VAV3: variants seen among roughly 807,000 people sequenced by gnomAD.
VAV3 encodes vav guanine nucleotide exchange factor 3.
VAV3 carries 94 observed loss-of-function variants against 131.2 expected under a neutral mutation model. The observed-to-expected ratio is 0.72, with a 90% CI of 0.61 to 0.85. The LOEUF is 0.85. VAV3 is among the 40% of genes least tolerant of loss of function. The probability of loss-of-function intolerance (pLI) is 0.00; values close to 1 mark genes in which losing one functional copy is unlikely to be tolerated. For missense variants in VAV3, 939 were observed against 1,002.7 expected (o/e 0.94, Z 0.86); for synonymous variants, 349 against 342.0 (o/e 1.02, Z -0.22).
intron 19 of VAV3, among the ~76,000 whole-genome samples, chr1:107,652,349 G>T (rs1229551315): frequency 6.6e-6 from 1 of 152,126 alleles, no homozygotes; most frequent in Non-Finnish European, 1.5e-5. Context: ...AAATCATCAA[G>T]AAATAACCAC....
chr1:107,831,314 A>C (rs890583567), intron 2 of VAV3, among the ~76,000 whole-genome samples: 27 of 152,200 alleles, frequency 1.8e-4, no homozygotes, highest in African/African-American at 6.3e-4. Flanking sequence ...TTACCAACTC[A>C]AGGTTAATGG....
chr1:107,918,662 G>A (rs1259562621), intron 1 of VAV3, among the ~76,000 whole-genome samples: 4 of 147,434 alleles, frequency 2.7e-5, no homozygotes, highest in East Asian at 3.9e-4. Flanking sequence ...TAGTTTTAAG[G>A]CATATATATA....
At chr1:107,897,207 T>C (rs904648873) in intron 1 of VAV3, 3 of 151,488 alleles carry the variant, frequency 2.0e-5, no homozygotes, top group African/African-American at 7.3e-5. Context: ...AAATATATAT[T>C]GAACAACTAA....
chr1:107,929,460 A>G (rs771901386), intron 1 of VAV3, among the ~76,000 whole-genome samples: 15 of 152,160 alleles, frequency 9.9e-5, no homozygotes, highest in Non-Finnish European at 1.8e-4. Context: ...AGAAAAGGAC[A>G]TAAATGAGAA....
At chr1:107,826,478 G>T (rs1418720863) in intron 2 of VAV3, among the ~76,000 whole-genome samples, 1 of 152,136 alleles carries the variant, frequency 6.6e-6, no homozygotes, top group African/African-American at 2.4e-5. Context: ...CTGCATTATA[G>T]TTCACAGTAG....
rs7417283 is a variant in VAV3 at position 107,761,064 on chromosome 1, C to T, written c.922-185G>A. The stretch of plus-strand genomic sequence containing the variant: ...AATCTTGTAGTACTTTAACTCTAAA[C>T]ATGAATAAAAGAGAACTATTTTGTG... On this transcript the variant is annotated intron_variant, in intron 9 of 26. Transcript: ENST00000370056. Among the ~76,000 whole-genome samples the T allele has an allele frequency of 0.76, 115,099 of 152,106 alleles. 43,863 individuals are homozygous for T. The highest frequency in any genetic ancestry group is 0.81 in the Non-Finnish European group (54,993 of 67,998).
chr1:107,830,852 G>A (rs1468269773), intron 2 of VAV3, among the ~76,000 whole-genome samples: 1 of 152,190 alleles, frequency 6.6e-6, no homozygotes, highest in Non-Finnish European at 1.5e-5. Context: ...GATTACAAGT[G>A]TGAGCCACCG....
chr1:107,870,770 A>C (rs1005154998), intron 2 of VAV3, among the ~76,000 whole-genome samples: 5 of 152,128 alleles, frequency 3.3e-5, no homozygotes, highest in African/African-American at 1.2e-4. Context: ...GAACATGATG[A>C]AACTATCCTA....
At chr1:107,941,033 A>G (rs1386518889) in intron 1 of VAV3, among the ~76,000 whole-genome samples, 1 of 151,868 alleles carries the variant, frequency 6.6e-6, no homozygotes, top group Non-Finnish European at 1.5e-5. Context: ...ATCTTCAAGC[A>G]GGAGGTTAAT....
chr1:107,755,591 CATT>C, intron 11 of VAV3, 78 bp from the exon 12 acceptor site: 1 of 944,732 alleles, frequency 1.1e-6, no homozygotes, highest in Non-Finnish European at 1.6e-6. Flanking sequence ...GAAAACACAT[CATT>C]AATTCCATTA....
At chr1:107,774,458 A>T (rs964419803) in intron 4 of VAV3, among the ~76,000 whole-genome samples, 3 of 152,216 alleles carry the variant, frequency 2.0e-5, no homozygotes, top group African/African-American at 7.2e-5. Context: ...CACACACAAG[A>T]CTGGTCTAGA....
At chr1:107,824,348 T>A (rs888745669) in intron 2 of VAV3, among the ~76,000 whole-genome samples, 4 of 152,298 alleles carry the variant, frequency 2.6e-5, no homozygotes, top group African/African-American at 9.6e-5. Context: ...AGCAAGGAAC[T>A]TCTTTGTTTG....
At chr1:107,891,313 T>A (rs752482657) in intron 1 of VAV3, among the ~76,000 whole-genome samples, 1 of 152,230 alleles carries the variant, frequency 6.6e-6, no homozygotes, top group African/African-American at 2.4e-5. Context: ...TGTTATATCA[T>A]TTTAATCAAA....
intron 19 of VAV3, among the ~76,000 whole-genome samples, chr1:107,650,530 T>A (rs569762424): frequency 5.0e-4 from 76 of 150,806 alleles, no homozygotes; most frequent in South Asian, 1.0e-3. Context: ...CCTTTTTTTT[T>A]AAATTTTTAT....
At position 107,755,424 on chromosome 1, in the gene VAV3, T is replaced by G; in HGVS notation, c.1173+3A>C. The G allele has an allele frequency of 1.2e-6, 2 of 1,602,914 alleles. No homozygotes were observed. The highest frequency in any genetic ancestry group is 1.7e-6 in the Non-Finnish European group (2 of 1,170,060). ...GAAGCTGGATGGAAAGATAATTACA[T>G]ACCAAATTCTCTATAGATAGCTGAA... On this transcript the variant is annotated splice_donor_region_variant and intron_variant, in intron 12 of 26. Coordinates refer to ENST00000370056, the MANE Select transcript of VAV3 (RefSeq NM_006113.5).
chr1:107,690,774 T>C (rs1295859372), intron 17 of VAV3, among the ~76,000 whole-genome samples: 1 of 152,068 alleles, frequency 6.6e-6, no homozygotes, highest in Non-Finnish European at 1.5e-5. Context: ...CATGAGTCCT[T>C]TAGTAGGGCT....
At chr1:107,757,385 TAAAG>T in intron 10 of VAV3, 56 bp from the exon 11 acceptor site, 1 of 1,384,366 alleles carries the variant, frequency 7.2e-7, no homozygotes, top group South Asian at 1.3e-5. Flanking sequence ...TAAGACATAC[TAAAG>T]AAAACATTTT....
intron 20 of VAV3, among the ~76,000 whole-genome samples, chr1:107,619,207 A>C (rs1653391285): frequency 6.6e-6 from 1 of 152,210 alleles, no homozygotes; most frequent in African/African-American, 2.4e-5. Flanking sequence ...TGACTTAGAG[A>C]GGAATCTGAA....
intron 2 of VAV3, among the ~76,000 whole-genome samples, chr1:107,821,880 T>A (rs1667806034): frequency 6.6e-6 from 1 of 152,226 alleles, no homozygotes; most frequent in Non-Finnish European, 1.5e-5. Context: ...AAGTGATTTA[T>A]TCCAAAGCTA....
Sources: allele counts gnomAD v4.1 joint callset (sites outside exome capture counted in the v4.1 genomes callset), GRCh38; gene constraint gnomAD v4.1.1; transcripts MANE v1.5; gene names NCBI Gene and HGNC (gene_info 2026-07-23, HGNC 2026-07-21).